The following ACTR3C variants were observed in gnomAD, a reference collection of about 807,000 sequenced individuals.
ACTR3C encodes the protein actin related protein 3C, also known as actin-related protein 3C.
Under a neutral mutation model 26.3 loss-of-function variants are expected in ACTR3C, and 18 were observed. That is an observed-to-expected ratio of 0.68 (90% confidence interval 0.47 to 1.01). The LOEUF (loss-of-function observed/expected upper bound fraction) is 1.01. Ranked by LOEUF, ACTR3C falls within the 50% of genes least tolerant of loss-of-function variation. ACTR3C has a pLI of 0.00. For synonymous variants in ACTR3C, 55 were observed against 94.5 expected (o/e 0.58, Z 2.42); for missense variants, 184 against 250.7 (o/e 0.73, Z 1.80).
chr7:150,009,644 G>A, the ACTR3C span, among the ~76,000 whole-genome samples: 10 of 152,284 alleles, frequency 6.6e-5, no homozygotes, highest in East Asian at 1.4e-3. Context: ...AAGCAAGAAC[G>A]GGGCAGCAAA....
At chr7:150,013,539 A>T in the ACTR3C span, among the ~76,000 whole-genome samples, 1 of 152,240 alleles carries the variant, frequency 6.6e-6, no homozygotes, top group Admixed American at 6.5e-5. Flanking sequence ...AGCCTGTCCC[A>T]GGAACAGGCT....
chr7:150,006,260 A>G, the ACTR3C span, among the ~76,000 whole-genome samples: 8 of 145,846 alleles, frequency 5.5e-5, no homozygotes, highest in Non-Finnish European at 9.0e-5. Flanking sequence ...GCAGTGGCGC[A>G]ATCTCGGCTC....
chr7:150,233,246 C>G, the ACTR3C span, among the ~76,000 whole-genome samples: 1 of 150,782 alleles, frequency 6.6e-6, no homozygotes, highest in Non-Finnish European at 1.5e-5. Flanking sequence ...ATACTTCACT[C>G]CAGTCTTCTT....
chr7:150,067,088 C>T, the ACTR3C span, among the ~76,000 whole-genome samples: 684 of 152,366 alleles, frequency 4.5e-3, 5 homozygotes, highest in African/African-American at 0.016. Context: ...GGACTCTAGA[C>T]ACAAGGTCAC....
At chr7:150,066,869 G>T in the ACTR3C span, among the ~76,000 whole-genome samples, 2 of 152,246 alleles carry the variant, frequency 1.3e-5, no homozygotes, top group Non-Finnish European at 2.9e-5. Flanking sequence ...GTGTGCAGAG[G>T]AGTGGGCACC....
chr7:150,218,761 C>A, the ACTR3C span, among the ~76,000 whole-genome samples: 1 of 129,716 alleles, frequency 7.7e-6, no homozygotes, highest in Non-Finnish European at 1.6e-5. Context: ...TCCAAGAAGC[C>A]ACTTTAATAC....
chr7:150,017,599 A>C, the ACTR3C span, among the ~76,000 whole-genome samples: 1 of 150,086 alleles, frequency 6.7e-6, no homozygotes, highest in African/African-American at 2.5e-5. Context: ...TCTGATTGTC[A>C]GAGCAGTCTT....
At chr7:150,024,449 C>T in the ACTR3C span, among the ~76,000 whole-genome samples, 4 of 147,908 alleles carry the variant, frequency 2.7e-5, no homozygotes, top group Non-Finnish European at 6.0e-5. Context: ...GTGGGAAGAG[C>T]CATCACTTAC....
the ACTR3C span, among the ~76,000 whole-genome samples, chr7:149,907,929 A>T: frequency 6.6e-6 from 1 of 152,238 alleles, no homozygotes; most frequent in South Asian, 2.1e-4. Flanking sequence ...CCTACAGAAC[A>T]CCAATTGTCA....
the ACTR3C span, among the ~76,000 whole-genome samples, chr7:150,031,423 G>A: frequency 6.6e-6 from 1 of 152,180 alleles, no homozygotes; most frequent in Admixed American, 6.5e-5. Flanking sequence ...GGGATACCAA[G>A]GCGGCTTCTT....
the ACTR3C span, among the ~76,000 whole-genome samples, chr7:150,033,047 C>T: frequency 3.9e-5 from 6 of 152,096 alleles, no homozygotes; most frequent in Admixed American, 6.5e-5. Flanking sequence ...GCAATGATTG[C>T]GAGGGCCCCA....
the ACTR3C span, among the ~76,000 whole-genome samples, chr7:150,003,378 T>A: frequency 2.2e-5 from 3 of 139,158 alleles, no homozygotes; most frequent in Admixed American, 7.3e-5. Context: ...GTGTGTGTGA[T>A]GTTTGTGGTA....
At chr7:150,043,407 G>A in the ACTR3C span, among the ~76,000 whole-genome samples, 1 of 152,056 alleles carries the variant, frequency 6.6e-6, no homozygotes. Flanking sequence ...CGAAATGGGA[G>A]GCCTTTATGT....
At chr7:150,139,349 A>T in the ACTR3C span, among the ~76,000 whole-genome samples, 1 of 152,264 alleles carries the variant, frequency 6.6e-6, no homozygotes, top group Non-Finnish European at 1.5e-5. Context: ...CTGGTAAAAA[A>T]AAATAAAATA....
chr7:150,255,648 A>G (rs1833167553), intron 6 of ACTR3C, among the ~76,000 whole-genome samples: 1 of 152,194 alleles, frequency 6.6e-6, no homozygotes, highest in Non-Finnish European at 1.5e-5. Flanking sequence ...AGTAACTAGC[A>G]GGAGAAACCA....
chr7:150,061,209 A>G, the ACTR3C span, among the ~76,000 whole-genome samples: 1 of 69,246 alleles, frequency 1.4e-5, no homozygotes, highest in Non-Finnish European at 2.9e-5. Flanking sequence ...TCCAGAAAAA[A>G]GAAAGAGGCT....
At chr7:150,039,379 GTCC>G in the ACTR3C span, among the ~76,000 whole-genome samples, 1 of 98,906 alleles carries the variant, frequency 1.0e-5, no homozygotes, top group Admixed American at 1.2e-4. Flanking sequence ...TGCGATGGGG[GTCC>G]TAAGAACCCG....
the ACTR3C span, chr7:150,041,265 G>A: frequency 6.6e-6 from 1 of 150,978 alleles, no homozygotes; most frequent in Non-Finnish European, 1.5e-5. Context: ...GGGATCCACA[G>A]TCTACAAAAC....
chr7:150,136,910 G>A, the ACTR3C span, among the ~76,000 whole-genome samples: 1 of 152,186 alleles, frequency 6.6e-6, no homozygotes, highest in Non-Finnish European at 1.5e-5. Flanking sequence ...CCATGGATGG[G>A]ACACGGAGTG....
Sources: allele counts gnomAD v4.1 joint callset (sites outside exome capture counted in the v4.1 genomes callset), GRCh38; gene constraint gnomAD v4.1.1; transcripts MANE v1.5; gene names NCBI Gene and HGNC (gene_info 2026-07-23, HGNC 2026-07-21).